The following CPNE4 variants were observed in gnomAD, a reference collection of about 807,000 sequenced individuals.
CPNE4 encodes the protein copine 4.
A neutral mutation model predicts 67.9 loss-of-function variants in CPNE4; 25 were observed. That is an observed-to-expected ratio of 0.37 (90% CI 0.27 to 0.51). CPNE4 has a LOEUF of 0.51. Ranked by LOEUF, CPNE4 falls within the 20% of genes least tolerant of loss-of-function variation. The probability of loss-of-function intolerance (pLI) is 0.93; values close to 1 mark genes in which losing one functional copy is unlikely to be tolerated. For missense variants in CPNE4, 464 were observed against 690.8 expected, an observed-to-expected ratio of 0.67 and a Z score of 3.68; for synonymous variants, 242 against 244.9, an observed-to-expected ratio of 0.99 and a Z score of 0.11.
chr3:131,550,156 A>G, intron 13 of CPNE4, 76 bp from the exon 14 acceptor site: 7 of 1,507,840 alleles, frequency 4.6e-6, no homozygotes, highest in Non-Finnish European at 6.4e-6. Context: ...ACACAAAAGT[A>G]AAGCATTAAA....
chr3:132,023,096 TC>T (rs1349949194), intron 1 of CPNE4, among the ~76,000 whole-genome samples: 1 of 152,190 alleles, frequency 6.6e-6, no homozygotes, highest in Non-Finnish European at 1.5e-5. Context: ...AACATCTCAT[TC>T]CCATCAGACA....
At chr3:131,680,093 A>G (rs1045700473) in intron 6 of CPNE4, among the ~76,000 whole-genome samples, 3 of 152,174 alleles carry the variant, frequency 2.0e-5, no homozygotes, top group Non-Finnish European at 2.9e-5. Context: ...AACTTGCTAT[A>G]TGAATCAGGG....
rs1228588 is a variant in CPNE4 at position 131,913,366 on chromosome 3, C to A, written c.-1-7922G>T. Among the ~76,000 whole-genome samples the A allele has an allele frequency of 3.9e-5, 6 of 151,976 alleles. 1 individual carries two copies. The South Asian group carries it at 1.2e-3, about 32-fold the overall frequency. ...TACCATTTAACTGGTATATAACCAT[C>A]GGGGGCATTCCACTGGTAAGGAAAG... On this transcript the variant is annotated intron_variant, in intron 1 of 15. Transcript: ENST00000429747.
intron 1 of CPNE4, among the ~76,000 whole-genome samples, chr3:131,938,139 C>G (rs1219438549): frequency 6.6e-6 from 1 of 152,012 alleles, no homozygotes; most frequent in East Asian, 1.9e-4. Flanking sequence ...TGGGGATCAT[C>G]TGAGCCCAGG....
At chr3:131,845,598 T>C (rs2085965434) in intron 2 of CPNE4, among the ~76,000 whole-genome samples, 2 of 152,166 alleles carry the variant, frequency 1.3e-5, no homozygotes, top group South Asian at 4.1e-4. Flanking sequence ...AGTCAAGAGA[T>C]AGAATGTGGC....
chr3:131,971,262 T>C (rs1385657158), intron 1 of CPNE4, among the ~76,000 whole-genome samples: 2 of 152,178 alleles, frequency 1.3e-5, no homozygotes, highest in East Asian at 1.9e-4. Flanking sequence ...TAACACATAA[T>C]ATGCAAGACT....
intron 7 of CPNE4, among the ~76,000 whole-genome samples, chr3:131,625,566 C>T (rs563562396): frequency 5.9e-5 from 9 of 151,840 alleles, no homozygotes; most frequent in Non-Finnish European, 1.3e-4. Context: ...TGGCTAGAGA[C>T]AGGAAAAAAA....
chr3:131,785,573 T>C (rs113882358), intron 2 of CPNE4, among the ~76,000 whole-genome samples: 5 of 152,246 alleles, frequency 3.3e-5, no homozygotes, highest in African/African-American at 1.2e-4. Flanking sequence ...TTGAAAATAC[T>C]TCCTTTAATT....
At chr3:131,847,128 C>T (rs1222452602) in intron 2 of CPNE4, among the ~76,000 whole-genome samples, 1 of 152,182 alleles carries the variant, frequency 6.6e-6, no homozygotes, top group Non-Finnish European at 1.5e-5. Context: ...GCTGGCTCCT[C>T]ACAGGTGTGT....
At chr3:131,737,943 G>A (rs77517946) in intron 2 of CPNE4, among the ~76,000 whole-genome samples, 5,866 of 152,016 alleles carry the variant, frequency 0.039, 400 homozygotes, top group African/African-American at 0.13. Context: ...ACTGATTTCC[G>A]TGCATTTACT....
intron 1 of CPNE4, among the ~76,000 whole-genome samples, chr3:132,032,995 T>A (rs6798878): frequency 6.6e-6 from 1 of 152,188 alleles, no homozygotes; most frequent in East Asian, 1.9e-4. Context: ...GGACGGTGGG[T>A]GTTTGTTTTT....
intron 1 of CPNE4, among the ~76,000 whole-genome samples, chr3:132,016,671 T>G (rs2073894789): frequency 6.6e-6 from 1 of 152,208 alleles, no homozygotes; most frequent in South Asian, 2.1e-4. Context: ...AAATTTTCTC[T>G]CCTCTTTGAA....
chr3:131,973,200 T>G (rs1244303974), intron 1 of CPNE4, among the ~76,000 whole-genome samples: 1 of 152,114 alleles, frequency 6.6e-6, no homozygotes, highest in South Asian at 2.1e-4. Flanking sequence ...AACCTGAGTT[T>G]AAAGGAAGAA....
rs144858562 is a variant in CPNE4, at chr3:131,799,864, G to A, written c.181-76239C>T. On this transcript the variant is annotated intron_variant, in intron 2 of 15. Transcript: ENST00000429747. ...TGTAATAGAGCAGTCTTTAGTTTCCGAGATCCTTAAACATCAGGTGGATTG... is the reference window on the plus strand; with the variant it reads ...TGTAATAGAGCAGTCTTTAGTTTCCAAGATCCTTAAACATCAGGTGGATTG... Among the ~76,000 whole-genome samples the A allele has an allele frequency of 3.7e-3, 566 of 151,948 alleles. 5 individuals are homozygous for A. The highest frequency in any genetic ancestry group is 0.013 in the African/African-American group (539 of 41,446).
chr3:131,952,485 C>T (rs1327733354), intron 1 of CPNE4, among the ~76,000 whole-genome samples: 1 of 98,590 alleles, frequency 1.0e-5, no homozygotes, highest in African/African-American at 2.8e-5. Flanking sequence ...GGGGTCAGCG[C>T]CCCGCCAGGC....
At chr3:131,669,957 C>T (rs970195425) in intron 6 of CPNE4, among the ~76,000 whole-genome samples, 193 bp from the exon 7 acceptor site, 5 of 152,182 alleles carry the variant, frequency 3.3e-5, no homozygotes, top group African/African-American at 2.4e-5. Flanking sequence ...ATGCACAGAA[C>T]TCCTGTGGTC....
chr3:131,652,754 T>C (rs1390323859), intron 7 of CPNE4, among the ~76,000 whole-genome samples: 1 of 152,230 alleles, frequency 6.6e-6, no homozygotes, highest in Non-Finnish European at 1.5e-5. Context: ...TTTATGTCCC[T>C]GCTGAGTTCT....
intron 3 of CPNE4, among the ~76,000 whole-genome samples, chr3:131,716,886 C>T (rs73871402): frequency 0.027 from 4,037 of 152,166 alleles, 188 homozygotes; most frequent in African/African-American, 0.093. Flanking sequence ...TCAGACCCCA[C>T]ACCATGTACA....
At chr3:131,573,105 A>G (rs1192543761) in intron 10 of CPNE4, among the ~76,000 whole-genome samples, 1 of 152,132 alleles carries the variant, frequency 6.6e-6, no homozygotes, top group Non-Finnish European at 1.5e-5. Flanking sequence ...TTCCTTTAGT[A>G]GAACACTGGG....
Sources: gnomAD v4.1 joint callset for allele counts (sites outside exome capture counted in the v4.1 genomes callset) on GRCh38, gnomAD v4.1.1 for gene constraint, MANE v1.5 for transcripts, NCBI Gene and HGNC (gene_info 2026-07-23, HGNC 2026-07-21) for gene names.